The following AQP9 variants were observed in gnomAD, a reference collection of about 807,000 sequenced individuals.
AQP9 encodes aquaporin 9.
Under a neutral mutation model 23.8 loss-of-function variants are expected in AQP9, and 19 were observed. That is an observed-to-expected ratio of 0.80 (90% CI 0.56 to 1.17). The LOEUF (loss-of-function observed/expected upper bound fraction) is 1.17. Ranked by LOEUF, AQP9 falls within the 50% of genes most tolerant of loss-of-function variation. The pLI is 0.00. For missense variants in AQP9, 413 were observed against 362.0 expected, an observed-to-expected ratio of 1.14 and a Z score of -1.14; for synonymous variants, 153 against 131.5, an observed-to-expected ratio of 1.16 and a Z score of -1.12.
intron 1 of AQP9, among the ~76,000 whole-genome samples, chr15:58,144,983 T>C (rs1407320823): frequency 2.3e-5 from 3 of 132,376 alleles, no homozygotes; most frequent in African/African-American, 2.9e-5. Flanking sequence ...CACTGCACTC[T>C]GGCCTGGGCG....
At chr15:58,152,891 TG>T (rs1242781651) in intron 1 of AQP9, 14 of 152,208 alleles carry the variant, frequency 9.2e-5, no homozygotes, top group African/African-American at 3.4e-4. Context: ...ATTTGTTACC[TG>T]ATCTATTGTA....
At chr15:58,153,762 G>C (rs1432939804) in intron 1 of AQP9, 4 of 152,010 alleles carry the variant, frequency 2.6e-5, no homozygotes, top group Non-Finnish European at 2.9e-5. Flanking sequence ...TTATTCTAAA[G>C]ACCTCATTAT....
At chr15:58,159,825 A>G (rs2140607929) in intron 1 of AQP9, among the ~76,000 whole-genome samples, 1 of 152,272 alleles carries the variant, frequency 6.6e-6, no homozygotes. Flanking sequence ...CATTGCTACA[A>G]ATGACAGGAT....
intron 1 of AQP9, chr15:58,152,464 T>G (rs1437329885): frequency 3.3e-5 from 5 of 152,182 alleles, no homozygotes; most frequent in African/African-American, 1.2e-4. Context: ...TGCACCTATC[T>G]TTCTATTATC....
At chr15:58,167,102 C>T (rs1038518741) in intron 2 of AQP9, among the ~76,000 whole-genome samples, 1 of 152,146 alleles carries the variant, frequency 6.6e-6, no homozygotes, top group Non-Finnish European at 1.5e-5. Flanking sequence ...TGCTCTAGTC[C>T]ACATTTGGAA....
At chr15:58,171,452 C>A (rs1290433471) in intron 2 of AQP9, among the ~76,000 whole-genome samples, 1 of 152,112 alleles carries the variant, frequency 6.6e-6, no homozygotes, top group African/African-American at 2.4e-5. Context: ...CTGCAGCAAG[C>A]CTCTGGGAGA....
chr15:58,149,890 C>T (rs1347765644), intron 1 of AQP9, among the ~76,000 whole-genome samples: 6 of 152,216 alleles, frequency 3.9e-5, no homozygotes, highest in East Asian at 1.9e-4. Context: ...ATGGCCACCA[C>T]CTTAGACAAA....
At chr15:58,143,502 T>C (rs1427584387) in intron 1 of AQP9, among the ~76,000 whole-genome samples, 1 of 152,240 alleles carries the variant, frequency 6.6e-6, no homozygotes, top group Non-Finnish European at 1.5e-5. Flanking sequence ...CAAGCAAGTG[T>C]GTGGTGGAGC....
intron 1 of AQP9, among the ~76,000 whole-genome samples, chr15:58,146,459 T>G (rs1898046457): frequency 2.0e-5 from 3 of 152,124 alleles, no homozygotes; most frequent in Admixed American, 6.5e-5. Context: ...GTTCTTTTTT[T>G]CTTTTAGTTT....
At chr15:58,176,041 A>C (rs575539780) in intron 4 of AQP9, among the ~76,000 whole-genome samples, 2 of 152,348 alleles carry the variant, frequency 1.3e-5, no homozygotes, top group South Asian at 4.1e-4. Context: ...TGGCTTCAGC[A>C]AAGTACTGAA....
At chr15:58,141,023 A>T (rs1469935949) in intron 1 of AQP9, among the ~76,000 whole-genome samples, 1 of 152,224 alleles carries the variant, frequency 6.6e-6, no homozygotes, top group African/African-American at 2.4e-5. Context: ...AACTACAACT[A>T]AAACCAACAA....
intron 2 of AQP9, among the ~76,000 whole-genome samples, chr15:58,169,258 T>G (rs1898571106): frequency 6.6e-6 from 1 of 152,180 alleles, no homozygotes; most frequent in South Asian, 2.1e-4. Context: ...CAAGCAACTA[T>G]GAGACCCTAA....
intron 1 of AQP9, among the ~76,000 whole-genome samples, chr15:58,162,644 G>A (rs1364490474): frequency 3.3e-5 from 5 of 152,142 alleles, no homozygotes; most frequent in Admixed American, 3.3e-4. Context: ...ATGGTGCAGG[G>A]TTTAAGAGCA....
At chr15:58,173,317 G>C in intron 3 of AQP9, 112 bp downstream of exon 3, 1 of 1,441,582 alleles carries the variant, frequency 6.9e-7, no homozygotes, top group East Asian at 2.3e-5. Context: ...CATTCTACAA[G>C]TGACAGCAAG....
chr15:58,146,556 G>A (rs1291923783), intron 1 of AQP9, among the ~76,000 whole-genome samples: 9 of 151,974 alleles, frequency 5.9e-5, no homozygotes, highest in African/African-American at 1.2e-4. Flanking sequence ...CTGTCGTCTC[G>A]AGTTGCGGGG....
At chr15:58,150,595 C>G (rs1245237507) in intron 1 of AQP9, 2 of 152,468 alleles carry the variant, frequency 1.3e-5, no homozygotes, top group Admixed American at 1.3e-4. Flanking sequence ...ATACCATTGA[C>G]TTCCAATCAA....
In AQP9 at chr15:58,184,075, C is replaced by T. The variant is rs771012823; in HGVS notation, c.828C>T (p.Val276=). The T allele has an allele frequency of 6.2e-7, 1 of 1,614,126 alleles. No homozygotes were observed. The highest frequency in any genetic ancestry group is 2.2e-5 in the East Asian group (1 of 44,872). The part of the protein sequence containing the change: ...IEIHHPEPDS[V]FKTEQSEDKP... Reference sequence around the variant, plus strand: ...TCCACCATCCAGAGCCTGACTCAGTCTTTAAGACAGAACAATCTGAGGACA... The same window carrying T: ...TCCACCATCCAGAGCCTGACTCAGTTTTTAAGACAGAACAATCTGAGGACA... Residue 276 remains valine, a synonymous_variant, in exon 6 of 6, where the codon GTC becomes GTT. Transcript: ENST00000219919.
At chr15:58,141,402 G>A (rs1481976432) in intron 1 of AQP9, among the ~76,000 whole-genome samples, 1 of 152,196 alleles carries the variant, frequency 6.6e-6, no homozygotes, top group African/African-American at 2.4e-5. Context: ...TCGGACAGAT[G>A]CTGAATTCTT....
chr15:58,140,173 C>T (rs1372387131), intron 1 of AQP9, among the ~76,000 whole-genome samples: 1 of 149,694 alleles, frequency 6.7e-6, no homozygotes, highest in Non-Finnish European at 1.5e-5. Context: ...CTGCAGAAAA[C>T]AGAGGAGGAA....
Sources: allele counts gnomAD v4.1 joint callset (sites outside exome capture counted in the v4.1 genomes callset), GRCh38; gene constraint gnomAD v4.1.1; transcripts MANE v1.5; gene names NCBI Gene and HGNC (gene_info 2026-07-23, HGNC 2026-07-21).